Variants in ARMC8 observed in about 807,000 individuals in gnomAD.
ARMC8 encodes armadillo repeat-containing protein 8.
ARMC8 carries 20 observed loss-of-function variants against 99.3 expected under a neutral mutation model. That is an observed-to-expected ratio of 0.20 (90% CI 0.14 to 0.29). ARMC8 has a LOEUF of 0.29. ARMC8 is among the 10% of genes least tolerant of loss of function. The probability of loss-of-function intolerance (pLI) is 1.00; values close to 1 mark genes in which losing one functional copy is unlikely to be tolerated. For missense variants in ARMC8, 569 were observed against 809.5 expected (o/e 0.70, Z 3.60); for synonymous variants, 263 against 278.3 (o/e 0.95, Z 0.55).
chr3:138,280,487 T>G (rs2049784674), intron 18 of ARMC8, among the ~76,000 whole-genome samples: 1 of 149,100 alleles, frequency 6.7e-6, no homozygotes, highest in African/African-American at 2.5e-5. Context: ...CTGGTTACTT[T>G]CTTTTTTTTC....
rs547221573 is a variant in ARMC8 at position 138,242,502 on chromosome 3, G to A, written c.1038+519G>A. On this transcript the variant is annotated intron_variant, in intron 11 of 21. Coordinates refer to ENST00000469044, the MANE Select transcript of ARMC8 (RefSeq NM_001363941.2). ...TAATCTTGAATTTGGGACCAAAAAGGCCAAATTGTGCTTTTTCTGAAAACC... is the reference window on the plus strand; with the variant it reads ...TAATCTTGAATTTGGGACCAAAAAGACCAAATTGTGCTTTTTCTGAAAACC... Among the ~76,000 whole-genome samples the A allele has an allele frequency of 2.0e-5, 3 of 152,224 alleles. No homozygotes were observed. In the South Asian group the frequency reaches 6.2e-4, roughly 32 times the overall value.
chr3:138,248,890 T>C (rs923815867), intron 12 of ARMC8, among the ~76,000 whole-genome samples: 1 of 152,232 alleles, frequency 6.6e-6, no homozygotes, highest in Non-Finnish European at 1.5e-5. Flanking sequence ...AAGTACGTAT[T>C]GTAACCTTCA....
chr3:138,227,267 G>A (rs1049510101), intron 5 of ARMC8, among the ~76,000 whole-genome samples: 1 of 152,302 alleles, frequency 6.6e-6, no homozygotes, highest in Non-Finnish European at 1.5e-5. Context: ...GATGGGGGCT[G>A]TTGTAACTGA....
intron 6 of ARMC8, among the ~76,000 whole-genome samples, chr3:138,232,147 T>A (rs2046079677): frequency 6.6e-6 from 1 of 150,726 alleles, no homozygotes; most frequent in Admixed American, 6.6e-5. Context: ...ATTTTCATAT[T>A]TTTTTTTAAG....
At chr3:138,204,243 G>A (rs950404691) in intron 1 of ARMC8, among the ~76,000 whole-genome samples, 2 of 151,742 alleles carry the variant, frequency 1.3e-5, no homozygotes, top group Non-Finnish European at 2.9e-5. Context: ...ACAGTCACCC[G>A]CCACTACACC....
At chr3:138,269,805 G>T (rs1396570835) in intron 15 of ARMC8, among the ~76,000 whole-genome samples, 4 of 146,332 alleles carry the variant, frequency 2.7e-5, no homozygotes, top group African/African-American at 7.6e-5. Flanking sequence ...AGAGTGGTTT[G>T]GTTTTGTTTT....
Position 138,237,314 on chromosome 3 carries a change from A to G in ARMC8, c.615A>G (p.Arg205=). The change falls in exon 8 of 22, where the codon CGA becomes CGG. Residue 205 remains arginine (R), a synonymous_variant. Transcript: ENST00000469044. The part of the protein sequence containing the change: ...HLLTSLSYKV[R]MQALKCFSVL... Reference sequence around the variant, plus strand: ...TTGTTCATTTATTTTTACAGGTTCGAATGCAAGCACTGAAATGTTTCTCAG... The same window carrying G: ...TTGTTCATTTATTTTTACAGGTTCGGATGCAAGCACTGAAATGTTTCTCAG... 5.6e-6 allele frequency: 9 copies of G among 1,612,230 alleles called. No individual in the cohort carries two copies. The highest frequency in any genetic ancestry group is 7.6e-6 in the Non-Finnish European group (9 of 1,179,602).
chr3:138,218,171 A>G (rs899261778), intron 2 of ARMC8, among the ~76,000 whole-genome samples: 3 of 152,146 alleles, frequency 2.0e-5, no homozygotes, highest in African/African-American at 7.2e-5. Flanking sequence ...ACCATCCATG[A>G]TAGTTTACCT....
chr3:138,262,462 C>T (rs1306741364), intron 12 of ARMC8: 4 of 1,498,648 alleles, frequency 2.7e-6, no homozygotes, highest in Admixed American at 4.0e-5. Context: ...ATATTTTCTT[C>T]TCTTCTTGTT....
intron 12 of ARMC8, among the ~76,000 whole-genome samples, chr3:138,252,981 G>A (rs1258607023): frequency 2.0e-5 from 3 of 151,830 alleles, no homozygotes; most frequent in Non-Finnish European, 4.4e-5. Context: ...AATGATTTTG[G>A]CATGTGACAG....
At chr3:138,208,191 G>A (rs578120332) in intron 1 of ARMC8, among the ~76,000 whole-genome samples, 4 of 152,092 alleles carry the variant, frequency 2.6e-5, no homozygotes, top group Non-Finnish European at 5.9e-5. Flanking sequence ...GTGTTGGCTG[G>A]GCACAGTGGC....
chr3:138,187,856 G>T (rs1313257479), intron 1 of ARMC8: 2 of 552,396 alleles, frequency 3.6e-6, no homozygotes, highest in Admixed American at 3.2e-5. Context: ...AGGCGGGGTG[G>T]CTGGGCTTAT....
intron 1 of ARMC8, among the ~76,000 whole-genome samples, chr3:138,198,803 C>A (rs550343209): frequency 6.6e-6 from 1 of 152,080 alleles, no homozygotes; most frequent in South Asian, 2.1e-4. Context: ...TGAGCCACTG[C>A]GCCCGGCCAT....
chr3:138,277,132 T>C (rs1336399483), intron 18 of ARMC8, among the ~76,000 whole-genome samples: 1 of 152,102 alleles, frequency 6.6e-6, no homozygotes, highest in Non-Finnish European at 1.5e-5. Flanking sequence ...CACACATATA[T>C]GGCCAGTAGA....
chr3:138,267,623 C>T (rs922458822), intron 15 of ARMC8, among the ~76,000 whole-genome samples: 1 of 152,108 alleles, frequency 6.6e-6, no homozygotes, highest in African/African-American at 2.4e-5. Context: ...ATTTCAAGGA[C>T]ATAACTGCTG....
intron 21 of ARMC8, among the ~76,000 whole-genome samples, chr3:138,295,367 T>A (rs1318355552): frequency 6.6e-6 from 1 of 152,218 alleles, no homozygotes; most frequent in African/African-American, 2.4e-5. Flanking sequence ...GACAGCCTCA[T>A]CCCATGGGCT....
rs1034875829 is a variant in ARMC8 at position 138,296,595 on chromosome 3, C to G, written c.*703C>G. ...GGCTATAGTTGGCCTGATTAACAGGCACTATACATGGTGCTGTGCAAAATA... is the reference window on the plus strand; with the variant it reads ...GGCTATAGTTGGCCTGATTAACAGGGACTATACATGGTGCTGTGCAAAATA... On this transcript the variant is annotated 3_prime_UTR_variant, in exon 22 of 22. Transcript: ENST00000469044. 3.3e-5 allele frequency: 5 copies of G among 152,024 alleles called. No individual in the cohort carries two copies. Among genetic ancestry groups the G allele is most frequent in the African/African-American group, 1.2e-4 (5 of 41,378 alleles). 9.4% of individuals were successfully genotyped at this position (152,024 alleles called of 1,614,324 possible).
chr3:138,270,010 G>A, intron 15 of ARMC8, 30 bp from the exon 16 acceptor site: 2 of 1,510,594 alleles, frequency 1.3e-6, no homozygotes, highest in South Asian at 1.1e-5. Flanking sequence ...CTTTAAAGCT[G>A]TGATTTTTTT....
intron 21 of ARMC8, among the ~76,000 whole-genome samples, chr3:138,291,774 G>A (rs1476309834): frequency 6.6e-6 from 1 of 152,172 alleles, no homozygotes; most frequent in African/African-American, 2.4e-5. Flanking sequence ...ATTACAGACA[G>A]GGGTGATAGT....
Sources: allele counts gnomAD v4.1 joint callset (sites outside exome capture counted in the v4.1 genomes callset), GRCh38; gene constraint gnomAD v4.1.1; transcripts MANE v1.5; gene names NCBI Gene and HGNC (gene_info 2026-07-23, HGNC 2026-07-21).